MACROD2: variants seen among roughly 807,000 people sequenced by gnomAD.
MACROD2 encodes ADP-ribose glycohydrolase MACROD2.
In MACROD2, 36 loss-of-function variants were observed where a neutral mutation model predicts 70.4. The observed-to-expected ratio is 0.51, with a 90% confidence interval of 0.39 to 0.68. The LOEUF (loss-of-function observed/expected upper bound fraction) is 0.68. Among genes scored for constraint, MACROD2 ranks in the 30% least tolerant of loss-of-function variants. The pLI is 0.00. For missense variants in MACROD2, 496 were observed against 538.4 expected, an observed-to-expected ratio of 0.92 and a Z score of 0.78; for synonymous variants, 172 against 178.8, an observed-to-expected ratio of 0.96 and a Z score of 0.30.
At chr20:15,749,569 T>C (rs894698127) in intron 8 of MACROD2, among the ~76,000 whole-genome samples, 3 of 152,088 alleles carry the variant, frequency 2.0e-5, no homozygotes, top group African/African-American at 7.2e-5. Flanking sequence ...TTTGTCATCT[T>C]TCTCAGCTCC....
At position 14,493,520 on chromosome 20, in the gene MACROD2, A is replaced by G. The variant is rs757257019; in HGVS notation, c.301+12A>G. The stretch of plus-strand genomic sequence containing the variant: ...TGGAGGAGGAGGTGGTAAGTCCTGA[A>G]CATCACTTAACTTAAAATACATTTT... On this transcript the variant is annotated intron_variant, in intron 4 of 17. Transcript: ENST00000684519. 2.5e-6 allele frequency: 4 copies of G among 1,602,682 alleles called. No homozygotes were observed. Among genetic ancestry groups the G allele is most frequent in the Non-Finnish European group, 2.6e-6 (3 of 1,171,388 alleles).
Position 15,088,458 on chromosome 20 carries a change from TGTG to T in MACROD2, c.419-141481_419-141479del, listed in dbSNP as rs2075769781. ...ATATATATATATATATATAATATTT[TGTG>T]TGTGTGTGTGTGTTGCTTTAAAGTC... On this transcript the variant is annotated intron_variant, in intron 5 of 17. Coordinates refer to ENST00000684519, the MANE Select transcript of MACROD2 (RefSeq NM_001351661.2). Among the ~76,000 whole-genome samples the T allele has an allele frequency of 4.6e-5, 6 of 130,140 alleles. No homozygotes were observed. In the South Asian group the frequency reaches 1.4e-3, roughly 31 times the overall value. The allele number at this position is 130,140 out of a possible 152,430, so 85.4% of individuals were successfully genotyped here.
intron 5 of MACROD2, among the ~76,000 whole-genome samples, chr20:14,841,170 C>T (rs1296296780): frequency 2.0e-5 from 3 of 151,942 alleles, no homozygotes; most frequent in Non-Finnish European, 4.4e-5. Flanking sequence ...AAATAGAGAA[C>T]TCAGTTATAG....
intron 8 of MACROD2, among the ~76,000 whole-genome samples, chr20:15,704,438 C>T (rs1191864838): frequency 1.3e-5 from 2 of 152,080 alleles, no homozygotes; most frequent in South Asian, 2.1e-4. Flanking sequence ...AAAAACCCTC[C>T]GTTAGAGATT....
At chr20:15,183,186 CTTG>C (rs1254279205) in intron 5 of MACROD2, among the ~76,000 whole-genome samples, 2 of 152,114 alleles carry the variant, frequency 1.3e-5, no homozygotes, top group East Asian at 3.9e-4. Context: ...TGAATGGGAA[CTTG>C]TTGTCATAAA....
intron 13 of MACROD2, among the ~76,000 whole-genome samples, chr20:15,984,903 T>C (rs1330937832): frequency 6.6e-6 from 1 of 152,184 alleles, no homozygotes; most frequent in Non-Finnish European, 1.5e-5. Context: ...CCACTTATGC[T>C]GCTGTTCTCT....
At chr20:15,085,872 C>A (rs202220665) in intron 5 of MACROD2, among the ~76,000 whole-genome samples, 1,666 of 93,120 alleles carry the variant, frequency 0.018, 32 homozygotes, top group African/African-American at 0.064. Context: ...CACACACACA[C>A]AACACACACA....
At chr20:14,492,139 A>G (rs996983573) in intron 3 of MACROD2, among the ~76,000 whole-genome samples, 1 of 152,204 alleles carries the variant, frequency 6.6e-6, no homozygotes, top group Admixed American at 6.5e-5. Context: ...AGTTCTGGCT[A>G]CCGTCTGTGT....
At chr20:14,068,004 A>G (rs1214295063) in intron 2 of MACROD2, among the ~76,000 whole-genome samples, 1 of 152,218 alleles carries the variant, frequency 6.6e-6, no homozygotes, top group Admixed American at 6.5e-5. Flanking sequence ...GAAACAGGAC[A>G]TATAGATCTA....
At chr20:14,980,799 C>G (rs1179287699) in intron 5 of MACROD2, among the ~76,000 whole-genome samples, 1 of 152,142 alleles carries the variant, frequency 6.6e-6, no homozygotes, top group African/African-American at 2.4e-5. Context: ...TCTTGGTTCT[C>G]TCACTTACCC....
chr20:14,426,964 T>G (rs1214752212), intron 3 of MACROD2, among the ~76,000 whole-genome samples: 4 of 152,234 alleles, frequency 2.6e-5, no homozygotes, highest in Non-Finnish European at 4.4e-5. Flanking sequence ...TTCTTAGATA[T>G]TTTTTCAGCA....
intron 7 of MACROD2, among the ~76,000 whole-genome samples, chr20:15,457,888 T>C (rs2046749634): frequency 6.6e-6 from 1 of 151,810 alleles, no homozygotes; most frequent in African/African-American, 2.4e-5. Flanking sequence ...GTTTCCCTTC[T>C]TCCATAAAAT....
chr20:15,285,068 A>AC (rs2077478664), intron 6 of MACROD2, among the ~76,000 whole-genome samples: 1 of 141,484 alleles, frequency 7.1e-6, no homozygotes, highest in Non-Finnish European at 1.5e-5. Flanking sequence ...ATATTACAAA[A>AC]CTTGGAAATA....
intron 8 of MACROD2, among the ~76,000 whole-genome samples, chr20:15,521,588 G>A (rs1275477120): frequency 6.6e-6 from 1 of 152,214 alleles, no homozygotes; most frequent in Non-Finnish European, 1.5e-5. Context: ...GGATCTGGGA[G>A]ACAGAGAGTT....
At chr20:14,806,410 G>C (rs1466014625) in intron 5 of MACROD2, among the ~76,000 whole-genome samples, 1 of 152,078 alleles carries the variant, frequency 6.6e-6, no homozygotes, top group Non-Finnish European at 1.5e-5. Context: ...ATCCAGCCCA[G>C]ATACTATGCT....
chr20:14,430,284 G>A (rs931844070), intron 3 of MACROD2, among the ~76,000 whole-genome samples: 2 of 152,150 alleles, frequency 1.3e-5, no homozygotes, highest in African/African-American at 4.8e-5. Flanking sequence ...GACATGATCA[G>A]GATTTTGCTT....
At chr20:15,789,585 A>G (rs2063606631) in intron 8 of MACROD2, among the ~76,000 whole-genome samples, 1 of 152,168 alleles carries the variant, frequency 6.6e-6, no homozygotes, top group African/African-American at 2.4e-5. Context: ...AGTATCTAAG[A>G]AAAAGTTGGA....
At chr20:14,202,734 G>C (rs2081489620) in intron 3 of MACROD2, among the ~76,000 whole-genome samples, 1 of 152,182 alleles carries the variant, frequency 6.6e-6, no homozygotes. Flanking sequence ...TAATGGAAGA[G>C]ATCTAAAGGA....
intron 5 of MACROD2, among the ~76,000 whole-genome samples, chr20:14,972,936 G>A (rs2074705005): frequency 6.6e-6 from 1 of 152,210 alleles, no homozygotes; most frequent in Non-Finnish European, 1.5e-5. Context: ...TTCATTCACT[G>A]AGACAAGTTG....
Sources: allele counts gnomAD v4.1 joint callset (sites outside exome capture counted in the v4.1 genomes callset), GRCh38; gene constraint gnomAD v4.1.1; transcripts MANE v1.5; gene names NCBI Gene and HGNC (gene_info 2026-07-23, HGNC 2026-07-21).